MOCOS: variants seen among roughly 807,000 people sequenced by gnomAD.
MOCOS encodes the protein molybdenum cofactor sulfurase, also known as human molybdenum cofactor sulfurase.
A neutral mutation model predicts 83.6 loss-of-function variants in MOCOS; 86 were observed. The observed-to-expected ratio is 1.03, with a 90% CI of 0.86 to 1.23. The LOEUF is 1.23. Ranked by LOEUF, MOCOS falls within the 50% of genes most tolerant of loss-of-function variation. MOCOS has a pLI of 0.00. For missense variants in MOCOS, 1,120 were observed against 1,126.9 expected (o/e 0.99, Z 0.09); for synonymous variants, 445 against 434.7 (o/e 1.02, Z -0.29).
rs150556770 is a variant in MOCOS, at chr18:36,199,895, C to G, written c.512C>G (p.Pro171Arg). ...VTMAINVISTPVRPEDLWSAE... is the reference protein window; with the variant it reads ...VTMAINVISTRVRPEDLWSAE... ...ATGGCTATAAATGTCATATCCACCCCGGTCAGGCCAGAGGACCTGTGGTCT... is the reference window on the plus strand; with the variant it reads ...ATGGCTATAAATGTCATATCCACCCGGGTCAGGCCAGAGGACCTGTGGTCT... Residue 171 changes from proline to arginine, a missense_variant, in exon 4 of 15, where the codon CCG (proline) becomes CGG (arginine). Physicochemically the swap from Pro to Arg is moderately radical, Grantham distance 103 (BLOSUM62 -2). Transcript: ENST00000261326. 5 of 1,613,872 alleles carry G rather than the reference C, an allele frequency of 3.1e-6. No individual in the cohort carries two copies. The Admixed American group carries it at 8.3e-5, about 27-fold the overall frequency.
chr18:36,235,991 T>A (rs1408170012), intron 9 of MOCOS, among the ~76,000 whole-genome samples: 24 of 150,162 alleles, frequency 1.6e-4, no homozygotes, highest in East Asian at 7.8e-4. Flanking sequence ...TGTTTTTTTC[T>A]TGTAAATTTG....
At chr18:36,221,249 T>A (rs2091494817) in intron 9 of MOCOS, among the ~76,000 whole-genome samples, 1 of 152,220 alleles carries the variant, frequency 6.6e-6, no homozygotes, top group African/African-American at 2.4e-5. Flanking sequence ...TTAATTAGTT[T>A]AAATAGCTAC....
At chr18:36,231,467 C>T (rs1206882730) in intron 9 of MOCOS, among the ~76,000 whole-genome samples, 1 of 152,208 alleles carries the variant, frequency 6.6e-6, no homozygotes, top group African/African-American at 2.4e-5. Flanking sequence ...GCATGTTACG[C>T]ATTCCTTTAT....
chr18:36,213,592 C>T, intron 7 of MOCOS, 110 bp downstream of exon 7: 1 of 884,682 alleles, frequency 1.1e-6, no homozygotes, highest in Admixed American at 1.8e-5. Context: ...TTTCTCCACG[C>T]CTACTCTGTG....
intron 4 of MOCOS, 91 bp downstream of exon 4, chr18:36,200,415 G>A: frequency 1.3e-6 from 2 of 1,503,344 alleles, no homozygotes; most frequent in African/African-American, 2.8e-5. Context: ...GGTGGGTCTG[G>A]CTTTGAGGGT....
chr18:36,232,667 T>C (rs1184243453), intron 9 of MOCOS, among the ~76,000 whole-genome samples: 1 of 152,182 alleles, frequency 6.6e-6, no homozygotes, highest in African/African-American at 2.4e-5. Flanking sequence ...TCCCTGCTTT[T>C]GGTAACTACT....
intron 1 of MOCOS, among the ~76,000 whole-genome samples, chr18:36,190,894 C>T (rs556808468): frequency 3.4e-4 from 51 of 151,610 alleles, no homozygotes; most frequent in Admixed American, 1.2e-3. Flanking sequence ...AAAATTAGCC[C>T]GGTGTGGTGG....
chr18:36,244,504 A>C (rs1019083978), intron 9 of MOCOS, among the ~76,000 whole-genome samples: 1 of 151,930 alleles, frequency 6.6e-6, no homozygotes, highest in East Asian at 1.9e-4. Flanking sequence ...TCTAATTTCA[A>C]TTTTCTTAAA....
chr18:36,249,943 A>G (rs2091615852), intron 10 of MOCOS, among the ~76,000 whole-genome samples: 1 of 152,176 alleles, frequency 6.6e-6, no homozygotes, highest in Non-Finnish European at 1.5e-5. Flanking sequence ...ATTCTAGGAA[A>G]TGTAAAGTGG....
At chr18:36,253,394 G>A (rs1015389155) in intron 11 of MOCOS, among the ~76,000 whole-genome samples, 6 of 152,178 alleles carry the variant, frequency 3.9e-5, no homozygotes, top group African/African-American at 9.7e-5. Context: ...GAGGCCAGGC[G>A]CGGTGGCTCA....
chr18:36,263,476 T>G (rs1411389294), intron 13 of MOCOS, among the ~76,000 whole-genome samples: 1 of 152,236 alleles, frequency 6.6e-6, no homozygotes, highest in Admixed American at 6.5e-5. Context: ...ATGTCCTGAC[T>G]GGAAGGATGT....
chr18:36,223,547 T>C (rs1354391387), intron 9 of MOCOS, among the ~76,000 whole-genome samples: 8 of 152,228 alleles, frequency 5.3e-5, no homozygotes, highest in Non-Finnish European at 1.5e-5. Flanking sequence ...TTTGTTCTTC[T>C]TTCTCAAGAT....
intron 9 of MOCOS, among the ~76,000 whole-genome samples, chr18:36,247,535 T>A (rs988161598): frequency 6.6e-6 from 1 of 152,174 alleles, no homozygotes; most frequent in Non-Finnish European, 1.5e-5. Context: ...CAGGAATGGC[T>A]TTCCTGGGGT....
intron 4 of MOCOS, 90 bp from the exon 5 acceptor site, chr18:36,203,023 C>A: frequency 7.9e-7 from 1 of 1,271,382 alleles, no homozygotes; most frequent in Non-Finnish European, 1.2e-6. Context: ...AACAGCTAAG[C>A]CTAAAATCTA....
chr18:36,189,958 T>C (rs1442514391), intron 1 of MOCOS: 1 of 152,212 alleles, frequency 6.6e-6, no homozygotes, highest in African/African-American at 2.4e-5. Flanking sequence ...TCTGGGTTGA[T>C]TGACTTGGAT....
intron 9 of MOCOS, among the ~76,000 whole-genome samples, chr18:36,244,191 T>C (rs1255123992): frequency 2.0e-5 from 3 of 152,146 alleles, no homozygotes; most frequent in Admixed American, 1.3e-4. Flanking sequence ...CTTTATTCTC[T>C]AGTTTTTTGA....
intron 7 of MOCOS, among the ~76,000 whole-genome samples, chr18:36,214,554 G>T (rs2091468585): frequency 6.6e-6 from 1 of 152,114 alleles, no homozygotes. Flanking sequence ...TCACTTCAGG[G>T]TATAGCCTGT....
rs1022093632 is a variant in MOCOS at position 36,260,334 on chromosome 18, C to T, written c.2409+159C>T. Among the ~76,000 whole-genome samples the T allele has an allele frequency of 2.0e-5, 3 of 152,280 alleles. No individual in the cohort carries two copies. The East Asian group carries it at 5.8e-4, about 29-fold the overall frequency. On this transcript the variant is annotated intron_variant, in intron 13 of 14. Coordinates refer to ENST00000261326, the MANE Select transcript of MOCOS (RefSeq NM_017947.4). ...GTTATGTAAGCTTAGCCTTCTAAGACACCCCATGGAATAATCCATCCTTTA... is the reference window on the plus strand; with the variant it reads ...GTTATGTAAGCTTAGCCTTCTAAGATACCCCATGGAATAATCCATCCTTTA...
At chr18:36,256,574 T>G in intron 11 of MOCOS, among the ~76,000 whole-genome samples, 1 of 151,988 alleles carries the variant, frequency 6.6e-6, no homozygotes, top group East Asian at 1.9e-4. Flanking sequence ...CTCAGCCTCC[T>G]GGGTAGCAGG....
Sources: gnomAD v4.1 joint callset for allele counts (sites outside exome capture counted in the v4.1 genomes callset) on GRCh38, gnomAD v4.1.1 for gene constraint, MANE v1.5 for transcripts, NCBI Gene and HGNC (gene_info 2026-07-23, HGNC 2026-07-21) for gene names.